IQSEC1: variants seen among roughly 807,000 people sequenced by gnomAD.
IQSEC1 encodes the protein IQ motif and SEC7 domain-containing protein 1.
Under a neutral mutation model 91.0 loss-of-function variants are expected in IQSEC1, and 31 were observed. The observed-to-expected ratio is 0.34, with a 90% CI of 0.26 to 0.46. IQSEC1 has a LOEUF of 0.46. Among genes scored for constraint, IQSEC1 ranks in the 20% least tolerant of loss-of-function variants. The pLI is 1.00. For missense variants in IQSEC1, 1,388 were observed against 1,575.6 expected (o/e 0.88, Z 2.02); for synonymous variants, 699 against 662.6 (o/e 1.05, Z -0.84).
chr3:12,902,645 AAAAAAAAAACAAC>A, intron 13 of IQSEC1, 115 bp downstream of exon 13: 2 of 598,748 alleles, frequency 3.3e-6, no homozygotes, highest in South Asian at 3.8e-5. Context: ...GGAAAAGCCA[AAAAAAAAAACAAC>A]AAAAAAAAAA....
At chr3:13,100,422 T>A (rs1706036619) in intron 2 of IQSEC1, among the ~76,000 whole-genome samples, 1 of 148,698 alleles carries the variant, frequency 6.7e-6, no homozygotes, top group Non-Finnish European at 1.5e-5. Flanking sequence ...GAAGTTACTC[T>A]CTCTGCTGGG....
At chr3:13,119,550 A>G (rs114727708) in intron 2 of IQSEC1, among the ~76,000 whole-genome samples, 1,610 of 152,348 alleles carry the variant, frequency 0.011, 27 homozygotes, top group African/African-American at 0.035. Flanking sequence ...GGTGGGTCCA[A>G]CAACATCCTG....
chr3:13,221,651 C>T (rs1008168073), intron 1 of IQSEC1, among the ~76,000 whole-genome samples: 6 of 152,360 alleles, frequency 3.9e-5, no homozygotes, highest in African/African-American at 1.2e-4. Context: ...CTGGAGCCCA[C>T]GGCGGCTCTC....
In IQSEC1 at chr3:12,935,607, T is replaced by A; in HGVS notation, c.1409A>T (p.Asn470Ile). ...NSTSNSNDTI[N>I]CSSESSSRDS... ...ACGGGACGATGACTCGGAGCTGCAG[T>A]TGATGGTATCGTTGGAGTTGGACGT... Residue 470 changes from asparagine to isoleucine, a missense_variant, in exon 3 of 14, where the codon AAC becomes ATC. By Grantham distance (149) the Asn-to-Ile change is moderately radical. Around this residue, in one of 2 missense-constraint regions of IQSEC1, gnomAD observed 1,059 missense variants for 1,317.8 expected, o/e 0.80. Transcript: ENST00000613206. The surrounding 1 kb of genome is among the most constrained non-coding windows in gnomAD (Gnocchi z 8.0). The A allele has an allele frequency of 6.2e-7, 1 of 1,614,138 alleles. No individual in the cohort carries two copies. Among genetic ancestry groups the A allele is most frequent in the South Asian group, 1.1e-5 (1 of 91,086 alleles).
chr3:13,278,066 T>G (rs977365843), intron 1 of IQSEC1, among the ~76,000 whole-genome samples: 5 of 152,176 alleles, frequency 3.3e-5, no homozygotes, highest in Non-Finnish European at 7.4e-5. Flanking sequence ...GTACGGTTAA[T>G]GTCACCATGA....
chr3:13,019,391 C>G (rs1041615667), intron 1 of IQSEC1, among the ~76,000 whole-genome samples: 5 of 152,254 alleles, frequency 3.3e-5, no homozygotes, highest in African/African-American at 1.2e-4. Flanking sequence ...GGGCAACAGG[C>G]TCACTCGGAG....
At chr3:13,042,722 G>A (rs1346902459) in intron 1 of IQSEC1, among the ~76,000 whole-genome samples, 1 of 152,168 alleles carries the variant, frequency 6.6e-6, no homozygotes, top group African/African-American at 2.4e-5. Flanking sequence ...TGGGGGGTCT[G>A]GATGCTAGGG....
At chr3:13,152,698 C>A (rs1271876548) in intron 2 of IQSEC1, among the ~76,000 whole-genome samples, 1 of 152,198 alleles carries the variant, frequency 6.6e-6, no homozygotes, top group African/African-American at 2.4e-5. Context: ...TCGTGAAACC[C>A]TGCCTCTACT....
chr3:13,208,028 A>G (rs535132185), intron 1 of IQSEC1, among the ~76,000 whole-genome samples: 34 of 152,176 alleles, frequency 2.2e-4, no homozygotes, highest in African/African-American at 8.2e-4. Context: ...ACATCTTTCT[A>G]TGATTCATTA....
At chr3:13,247,798 G>T (rs1695132384) in intron 1 of IQSEC1, among the ~76,000 whole-genome samples, 1 of 152,074 alleles carries the variant, frequency 6.6e-6, no homozygotes, top group African/African-American at 2.4e-5. Flanking sequence ...ACCTCCCAGG[G>T]CACACAGGCA....
At chr3:13,073,608 G>T (rs908221075), upstream of IQSEC1, among the ~76,000 whole-genome samples, 2 of 152,224 alleles carry the variant, frequency 1.3e-5, no homozygotes, top group Non-Finnish European at 2.9e-5. Flanking sequence ...GCGGGGCGCC[G>T]GCCCCTTCCT....
At chr3:13,227,070 A>G (rs1364106847) in intron 1 of IQSEC1, among the ~76,000 whole-genome samples, 7 of 151,746 alleles carry the variant, frequency 4.6e-5, no homozygotes, top group Non-Finnish European at 1.0e-4. Flanking sequence ...GGACAGAGAT[A>G]CTGTCACTAA....
At chr3:13,252,144 G>A (rs571860592) in intron 1 of IQSEC1, among the ~76,000 whole-genome samples, 41 of 152,206 alleles carry the variant, frequency 2.7e-4, no homozygotes, top group Admixed American at 2.4e-3. Context: ...TCCATCTCCA[G>A]GACTTTTTCA....
chr3:13,020,057 C>G (rs1248737515), intron 1 of IQSEC1, among the ~76,000 whole-genome samples: 1 of 152,224 alleles, frequency 6.6e-6, no homozygotes, highest in Admixed American at 6.5e-5. Context: ...AGTGCCGAGC[C>G]CTCTGCATTC....
chr3:12,966,733 C>T (rs921850193), intron 1 of IQSEC1, among the ~76,000 whole-genome samples: 1 of 152,190 alleles, frequency 6.6e-6, no homozygotes, highest in Admixed American at 6.5e-5. Flanking sequence ...GCCACACACC[C>T]CAGTGCACCC....
At position 13,103,399 on chromosome 3, in the gene IQSEC1, A is replaced by G. The variant is rs1473967289; in HGVS notation, c.303-55877T>C. Among the ~76,000 whole-genome samples, 1 of 152,004 alleles carries G rather than the reference A, an allele frequency of 6.6e-6. No homozygotes were observed. Among genetic ancestry groups the G allele is most frequent in the African/African-American group, 2.4e-5 (1 of 41,364 alleles). ...TCCCCTCCACCTCTGTGGACCACAG[A>G]CCACTAGCTCCACCAGCCTCGGGGG... is the stretch of plus-strand genomic sequence containing the variant. On this transcript the variant is annotated intron_variant, in intron 2 of 15. Coordinates refer to the IQSEC1 transcript ENST00000648114. The surrounding 1 kb of genome is among the most constrained non-coding windows in gnomAD (Gnocchi z 4.1).
At chr3:12,962,866 T>G (rs937766880) in intron 1 of IQSEC1, among the ~76,000 whole-genome samples, 1 of 152,202 alleles carries the variant, frequency 6.6e-6, no homozygotes, top group Non-Finnish European at 1.5e-5. Context: ...ATCAACCAGC[T>G]TGTGGGCTGA....
At chr3:12,930,599 T>C (rs748993963) in intron 3 of IQSEC1, among the ~76,000 whole-genome samples, 2 of 152,192 alleles carry the variant, frequency 1.3e-5, no homozygotes, top group Non-Finnish European at 2.9e-5. Flanking sequence ...TGGGGTTCTC[T>C]GATGGCCCTC....
chr3:12,913,142 C>A (rs751162602), intron 9 of IQSEC1, among the ~76,000 whole-genome samples: 4 of 152,198 alleles, frequency 2.6e-5, no homozygotes, highest in South Asian at 4.1e-4. Context: ...GGGGCCTGCC[C>A]GAGGAAGCGT....
Sources: allele counts gnomAD v4.1 joint callset (sites outside exome capture counted in the v4.1 genomes callset), GRCh38; gene constraint gnomAD v4.1.1; regional missense constraint gnomAD v4.1.1; non-coding constraint Gnocchi (gnomAD v3.1); transcripts MANE v1.5; gene names NCBI Gene and HGNC (gene_info 2026-07-23, HGNC 2026-07-21).